BRD7: variants seen among roughly 807,000 people sequenced by gnomAD.
BRD7 encodes the protein bromodomain containing 7, also known as bromodomain-containing protein 7.
Under a neutral mutation model 82.1 loss-of-function variants are expected in BRD7, and 15 were observed. The ratio of observed to expected loss-of-function variants is 0.18; its 90% CI spans 0.12 to 0.28. BRD7 has a LOEUF of 0.28. Among genes scored for constraint, BRD7 ranks in the 10% least tolerant of loss-of-function variants. BRD7 has a pLI of 1.00. For missense variants in BRD7, 638 were observed against 779.9 expected (o/e 0.82, Z 2.17); for synonymous variants, 232 against 266.9 (o/e 0.87, Z 1.27).
intron 5 of BRD7, among the ~76,000 whole-genome samples, chr16:50,341,177 T>TACACACACACACAC (rs57755008): frequency 3.1e-4 from 42 of 137,300 alleles, no homozygotes; most frequent in African/African-American, 7.1e-4. Flanking sequence ...AGACCTTAAG[T>TACACACACACACAC]ACACACACAC....
chr16:50,350,541 G>C (rs1364359248), intron 4 of BRD7, among the ~76,000 whole-genome samples: 1 of 152,186 alleles, frequency 6.6e-6, no homozygotes, highest in Non-Finnish European at 1.5e-5. Context: ...GGCTAAAATA[G>C]TAACTATGAA....
At chr16:50,349,747 ACTCT>A (rs1271348832) in intron 5 of BRD7, 2 of 384,708 alleles carry the variant, frequency 5.2e-6, no homozygotes, top group Non-Finnish European at 1.0e-5. Flanking sequence ...TAAAAATTTC[ACTCT>A]AAGGTTGGAA....
At chr16:50,331,502 G>T (rs939856790) in intron 8 of BRD7, among the ~76,000 whole-genome samples, 4 of 152,218 alleles carry the variant, frequency 2.6e-5, no homozygotes, top group Admixed American at 1.3e-4. Flanking sequence ...AGGAGTTTGA[G>T]ACCTGCCTGG....
At chr16:50,321,887 CCTT>C in intron 13 of BRD7, 92 bp downstream of exon 13, 1 of 1,162,296 alleles carries the variant, frequency 8.6e-7, no homozygotes, top group South Asian at 1.3e-5. Flanking sequence ...TAACCTTTTT[CCTT>C]CTTACCCAAT....
intron 2 of BRD7, among the ~76,000 whole-genome samples, chr16:50,364,069 G>GA (rs752041952): frequency 0.021 from 2,669 of 125,746 alleles, 73 homozygotes; most frequent in African/African-American, 0.069. Flanking sequence ...TCTCAAAAAG[G>GA]AAAAAAAAAA....
At chr16:50,368,412 G>A (rs1229102635) in intron 1 of BRD7, 114 bp from the exon 2 acceptor site, 4 of 1,120,940 alleles carry the variant, frequency 3.6e-6, no homozygotes, top group Non-Finnish European at 5.0e-6. Context: ...GGCTTTGGGC[G>A]CTCCGCGAAG....
intron 6 of BRD7, among the ~76,000 whole-genome samples, chr16:50,337,256 CTTT>C (rs71138063): frequency 3.2e-5 from 3 of 93,246 alleles, no homozygotes; most frequent in African/African-American, 9.0e-5. Context: ...GTTCATTCTT[CTTT>C]TTTTTTTTTT....
chr16:50,352,787 T>C (rs2038586120), intron 4 of BRD7, among the ~76,000 whole-genome samples: 1 of 151,764 alleles, frequency 6.6e-6, no homozygotes, highest in Non-Finnish European at 1.5e-5. Flanking sequence ...TTATTAGTGA[T>C]GGTGAGCATT....
intron 6 of BRD7, among the ~76,000 whole-genome samples, chr16:50,339,146 C>A (rs2037941082): frequency 6.6e-6 from 1 of 152,264 alleles, no homozygotes; most frequent in Non-Finnish European, 1.5e-5. Context: ...ACTTCTCTGA[C>A]CTCAAATGAC....
At position 50,316,864 on chromosome 16, in the gene BRD7, C is replaced by G. The variant is rs1478910303; in HGVS notation, c.*2347G>C. ...GCATCGCCAGGATTTCTAATGCACT[C>G]AGTTTCCCTACATAGCAGGGATTCT... On this transcript the variant is annotated 3_prime_UTR_variant, in exon 17 of 17. Coordinates refer to ENST00000394688, the MANE Select transcript of BRD7 (RefSeq NM_013263.5). The G allele has an allele frequency of 6.6e-6, 1 of 152,370 alleles. No individual in the cohort carries two copies. The highest frequency in any genetic ancestry group is 2.4e-5 in the African/African-American group (1 of 41,446). 9.4% of individuals were successfully genotyped at this position (152,370 alleles called of 1,614,324 possible).
chr16:50,328,562 G>T, intron 9 of BRD7, 107 bp downstream of exon 9: 1 of 922,790 alleles, frequency 1.1e-6, no homozygotes, highest in Non-Finnish European at 1.7e-6. Context: ...TGTGCATAAT[G>T]ACACAGACTG....
intron 8 of BRD7, among the ~76,000 whole-genome samples, chr16:50,332,890 C>A (rs1381171225): frequency 1.3e-5 from 2 of 152,048 alleles, no homozygotes; most frequent in Admixed American, 1.3e-4. Flanking sequence ...AACAGAAAAA[C>A]AAATATTGCC....
At position 50,368,228 on chromosome 16, in the gene BRD7, G is replaced by A. The variant is rs1300672538; in HGVS notation, c.120C>T (p.Gly40=). 1.2e-6 allele frequency: 2 copies of A among 1,614,218 alleles called. No homozygotes were observed. Among genetic ancestry groups the A allele is most frequent in the East Asian group, 2.2e-5 (1 of 44,892 alleles). Residue 40 remains glycine (G), a synonymous_variant, in exon 2 of 17, where the codon GGC becomes GGT. Transcript: ENST00000394688. Reference sequence around the variant, plus strand: ...AGAGGCTGGAGTCGTGCCCCGAGCTGCCCGTGGAGAGTTCGGTGACTTCGT... The same window carrying A: ...AGAGGCTGGAGTCGTGCCCCGAGCTACCCGTGGAGAGTTCGGTGACTTCGT... ...GGNEVTELST[G]SSGHDSSLFE... is the part of the protein sequence containing the mutation.
chr16:50,319,828 TGAGGGATGACTATA>T, intron 16 of BRD7, 45 bp downstream of exon 16: 1 of 1,563,342 alleles, frequency 6.4e-7, no homozygotes, highest in Non-Finnish European at 8.6e-7. Flanking sequence ...GGGCAGACAC[TGAGGGATGACTATA>T]GTCACCATAG....
intron 16 of BRD7, among the ~76,000 whole-genome samples, chr16:50,319,532 C>A (rs1218026048): frequency 6.6e-6 from 1 of 152,044 alleles, no homozygotes; most frequent in Non-Finnish European, 1.5e-5. Flanking sequence ...TTACAGTTGA[C>A]CCTTCTTATC....
intron 4 of BRD7, among the ~76,000 whole-genome samples, chr16:50,352,262 C>T (rs1362679856): frequency 6.6e-6 from 1 of 152,172 alleles, no homozygotes; most frequent in Non-Finnish European, 1.5e-5. Context: ...CATGAAAACC[C>T]AATCATTACA....
chr16:50,349,058 A>G (rs966993764), intron 5 of BRD7: 5 of 154,748 alleles, frequency 3.2e-5, no homozygotes, highest in African/African-American at 1.2e-4. Flanking sequence ...CATATACACC[A>G]TGGAATACTA....
chr16:50,320,306 G>C lies in BRD7; in HGVS notation c.1698C>G (p.Thr566=). 8 of 1,614,166 alleles carry C rather than the reference G, an allele frequency of 5.0e-6. No individual in the cohort carries two copies. The highest frequency in any genetic ancestry group is 5.9e-6 in the Non-Finnish European group (7 of 1,180,026). The change falls in exon 15 of 17, where the codon ACC becomes ACG. Residue 566 remains threonine, a synonymous_variant. Transcript: ENST00000394688. ...LQEAQNERLS[T]RPPPNMICLL... ...GACAGATCATGTTCGGAGGGGGTCT[G>C]GTGCTCAAACGTTCATTCTGGGCTT...
intron 5 of BRD7, chr16:50,349,071 C>T (rs1231042936): frequency 6.4e-6 from 1 of 155,376 alleles, no homozygotes; most frequent in Non-Finnish European, 1.4e-5. Flanking sequence ...GAATACTATG[C>T]AGCCATAAAA....
Sources: allele counts gnomAD v4.1 joint callset (sites outside exome capture counted in the v4.1 genomes callset), GRCh38; gene constraint gnomAD v4.1.1; transcripts MANE v1.5; gene names NCBI Gene and HGNC (gene_info 2026-07-23, HGNC 2026-07-21).